The following CEP152 variants were observed in gnomAD, a reference collection of about 807,000 sequenced individuals.
CEP152 encodes the protein centrosomal protein of 152 kDa.
In CEP152, 132 loss-of-function variants were observed where a neutral mutation model predicts 188.9. The ratio of observed to expected loss-of-function variants is 0.70; its 90% CI spans 0.61 to 0.81. CEP152 has a LOEUF of 0.81. Among genes scored for constraint, CEP152 ranks in the 30% least tolerant of loss-of-function variants. The pLI is 0.00. For synonymous variants in CEP152, 649 were observed against 666.6 expected, an observed-to-expected ratio of 0.97 and a Z score of 0.41; for missense variants, 1,914 against 1,969.8, an observed-to-expected ratio of 0.97 and a Z score of 0.54.
At chr15:48,795,017 T>C (rs1421165231) in intron 6 of CEP152, among the ~76,000 whole-genome samples, 1 of 152,172 alleles carries the variant, frequency 6.6e-6, no homozygotes, top group East Asian at 1.9e-4. Context: ...AGTATGACCT[T>C]TCCCCTACTA....
Position 48,741,937 on chromosome 15 carries a change from C to G in CEP152, c.3989+10G>C, listed in dbSNP as rs772011453. The G allele has an allele frequency of 9.3e-6, 15 of 1,614,040 alleles. No individual in the cohort carries two copies. In the East Asian group the frequency reaches 2.9e-4, roughly 31 times the overall value. Reference sequence around the variant, plus strand: ...GTAATCTCAGGACACATTGTTCAGACTGAACTCACCCTTCTTTTCCATCAT... The same window carrying G: ...GTAATCTCAGGACACATTGTTCAGAGTGAACTCACCCTTCTTTTCCATCAT... On this transcript the variant is annotated intron_variant, in intron 25 of 26. Transcript: ENST00000380950.
In CEP152 at chr15:48,752,299, A is replaced by G. The variant is rs765364789; in HGVS notation, c.3466+50T>C. On this transcript the variant is annotated intron_variant, in intron 21 of 26. Transcript: ENST00000380950. ...TTTTATCCTCAAAGCAACCCTTCAG[A>G]TGGGTGATTATGGATGCTACAAAGA... The G allele has an allele frequency of 7.4e-6, 12 of 1,613,862 alleles. No individual in the cohort carries two copies. In the Admixed American group the frequency reaches 1.3e-4, roughly 18 times the overall value.
At chr15:48,765,982 C>G (rs1171823730) in intron 17 of CEP152, among the ~76,000 whole-genome samples, 2 of 152,118 alleles carry the variant, frequency 1.3e-5, no homozygotes, top group East Asian at 3.9e-4. Context: ...AAGAATCACA[C>G]TAGTGATTTC....
At chr15:48,797,845 G>A (rs1897408801) in intron 3 of CEP152, 103 bp downstream of exon 3, 2 of 1,493,076 alleles carry the variant, frequency 1.3e-6, no homozygotes, top group South Asian at 2.3e-5. Context: ...AAAATTTTAA[G>A]AATCAATTTA....
At chr15:48,751,279 A>C (rs911321510) in intron 21 of CEP152, among the ~76,000 whole-genome samples, 1 of 152,250 alleles carries the variant, frequency 6.6e-6, no homozygotes, top group East Asian at 1.9e-4. Flanking sequence ...TCCTAAAGCT[A>C]AGTAACATCC....
intron 24 of CEP152, among the ~76,000 whole-genome samples, 189 bp downstream of exon 24, chr15:48,744,051 A>G (rs1327808986): frequency 6.6e-6 from 1 of 152,192 alleles, no homozygotes; most frequent in Non-Finnish European, 1.5e-5. Context: ...TCCAAAAGAT[A>G]TTATTTGGGA....
At chr15:48,744,815 A>G (rs1288432307) in intron 23 of CEP152, 81 bp downstream of exon 23, 4 of 1,345,568 alleles carry the variant, frequency 3.0e-6, no homozygotes, top group Non-Finnish European at 4.0e-6. Flanking sequence ...GTATAACAAA[A>G]AAAATTGATA....
intron 9 of CEP152, among the ~76,000 whole-genome samples, chr15:48,787,612 T>C (rs1021596484): frequency 1.6e-4 from 24 of 152,090 alleles, no homozygotes; most frequent in African/African-American, 5.3e-4. Flanking sequence ...AAATAATTAT[T>C]GCCAGTAATG....
At position 48,791,393 on chromosome 15, in the gene CEP152, G is replaced by T; in HGVS notation, c.833-17C>A. ...CCTTTTCATCTACGGTATTAAAAAT[G>T]TTTATATAAATAATGTTCCTGTAGA... On this transcript the variant is annotated splice_polypyrimidine_tract_variant and intron_variant, in intron 7 of 26. Transcript: ENST00000380950. 6.2e-7 allele frequency: 1 copy of T among 1,605,798 alleles called. No individual in the cohort carries two copies.
At chr15:48,790,724 G>A (rs1487119095) in intron 8 of CEP152, among the ~76,000 whole-genome samples, 1 of 152,052 alleles carries the variant, frequency 6.6e-6, no homozygotes, top group East Asian at 1.9e-4. Context: ...CTGCCACCAC[G>A]CCCAGCTAAT....
At chr15:48,773,537 G>T (rs1017953109) in intron 12 of CEP152, 6 of 152,134 alleles carry the variant, frequency 3.9e-5, no homozygotes, top group African/African-American at 7.2e-5. Context: ...GAAATACTGG[G>T]GAAAAAGAAG....
At chr15:48,746,645 G>C (rs1402281270) in intron 22 of CEP152, among the ~76,000 whole-genome samples, 1 of 152,172 alleles carries the variant, frequency 6.6e-6, no homozygotes, top group Admixed American at 6.5e-5. Flanking sequence ...GGTAGTTACA[G>C]GTGGCTTCTT....
intron 1 of CEP152, among the ~76,000 whole-genome samples, chr15:48,808,415 A>C: frequency 6.6e-6 from 1 of 152,032 alleles, no homozygotes; most frequent in Non-Finnish European, 1.5e-5. Flanking sequence ...AAAGTCAAGA[A>C]AAATAAGAAT....
At chr15:48,801,710 G>C (rs1045753770) in intron 2 of CEP152, among the ~76,000 whole-genome samples, 3 of 152,206 alleles carry the variant, frequency 2.0e-5, no homozygotes, top group African/African-American at 7.2e-5. Flanking sequence ...TACTCCAGCT[G>C]ACTGTGAGAG....
chr15:48,762,569 G>A lies in CEP152; in HGVS notation c.2384C>T (p.Thr795Ile). ...KKKTLDCGSQ[T>I]DQVTTSDVIS... Reference sequence around the variant, plus strand: ...AACATCACTGGTGGTTACTTGGTCAGTTTGGCTGCCACAATCTAAGGTCTT... The same window carrying A: ...AACATCACTGGTGGTTACTTGGTCAATTTGGCTGCCACAATCTAAGGTCTT... Residue 795 changes from threonine (T) to isoleucine (I), a missense_variant, in exon 18 of 27, where the codon ACT (threonine) becomes ATT (isoleucine). Physicochemically the swap from Thr to Ile is moderately conservative, Grantham distance 89 (BLOSUM62 -1). Transcript: ENST00000380950. 1 of 1,614,040 alleles carries A rather than the reference G, an allele frequency of 6.2e-7. No homozygotes were observed. The highest frequency in any genetic ancestry group is 8.5e-7 in the Non-Finnish European group (1 of 1,180,008).
At chr15:48,764,724 A>G (rs551859603) in intron 17 of CEP152, among the ~76,000 whole-genome samples, 3 of 152,202 alleles carry the variant, frequency 2.0e-5, no homozygotes, top group Non-Finnish European at 4.4e-5. Flanking sequence ...GTGTGCTACT[A>G]AAAGCTTTAA....
chr15:48,760,264 T>C lies in CEP152; in HGVS notation c.2565A>G (p.Val855=), dbSNP rs1271953534. Residue 855 remains valine, a splice_region_variant and synonymous_variant, in exon 19 of 27, where the codon GTA becomes GTG. Coordinates refer to ENST00000380950, the MANE Select transcript of CEP152 (RefSeq NM_001194998.2). ...LKHCENITKQ[V]EIAVQNAHQR... Reference sequence around the variant, plus strand: ...GATGAGCATTTTGCACAGCTATTTCTACCTGTAGGACATTGCAAAAGAAAG... The same window carrying C: ...GATGAGCATTTTGCACAGCTATTTCCACCTGTAGGACATTGCAAAAGAAAG... 1.1e-5 allele frequency: 17 copies of C among 1,613,878 alleles called. No individual in the cohort carries two copies. Among genetic ancestry groups the C allele is most frequent in the Admixed American group, 6.7e-5 (4 of 60,002 alleles).
intron 2 of CEP152, among the ~76,000 whole-genome samples, chr15:48,799,518 G>A (rs1330165182): frequency 1.3e-5 from 2 of 152,010 alleles, no homozygotes; most frequent in Non-Finnish European, 2.9e-5. Context: ...ATCTAAAGAT[G>A]CAACAAGAGA....
intron 13 of CEP152, among the ~76,000 whole-genome samples, chr15:48,770,959 A>AAAAG (rs3074972): frequency 0.33 from 50,757 of 151,932 alleles, 11,911 homozygotes; most frequent in African/African-American, 0.63. Context: ...CTCCTAGTTT[A>AAAAG]AATAGGAGAT....
Sources: gnomAD v4.1 joint callset for allele counts (sites outside exome capture counted in the v4.1 genomes callset) on GRCh38, gnomAD v4.1.1 for gene constraint, MANE v1.5 for transcripts, NCBI Gene and HGNC (gene_info 2026-07-23, HGNC 2026-07-21) for gene names.